Variants in TRPM3 observed in about 807,000 individuals in gnomAD.
The protein encoded by TRPM3 is long transient receptor potential channel 3.
TRPM3 carries 77 observed loss-of-function variants against 181.2 expected under a neutral mutation model. The ratio of observed to expected loss-of-function variants is 0.42; its 90% CI spans 0.35 to 0.51. TRPM3 has a LOEUF of 0.51. TRPM3 is among the 20% of genes least tolerant of loss of function. The pLI is 0.01. For missense variants in TRPM3, 1,759 were observed against 2,196.7 expected (o/e 0.80, Z 3.98); for synonymous variants, 745 against 796.4 (o/e 0.94, Z 1.09).
intron 1 of TRPM3, among the ~76,000 whole-genome samples, chr9:70,971,347 A>C (rs768201177): frequency 5.3e-5 from 8 of 152,044 alleles, no homozygotes; most frequent in Non-Finnish European, 7.4e-5. Flanking sequence ...CCATCAACAT[A>C]AACGTTTTTT....
intron 1 of TRPM3, among the ~76,000 whole-genome samples, chr9:71,068,523 T>G (rs2062243509): frequency 6.6e-6 from 1 of 152,194 alleles, no homozygotes; most frequent in Non-Finnish European, 1.5e-5. Context: ...ACAACTAGTA[T>G]GTGCTTCTAG....
At chr9:70,967,312 A>C (rs1173914085) in intron 1 of TRPM3, among the ~76,000 whole-genome samples, 1 of 152,096 alleles carries the variant, frequency 6.6e-6, no homozygotes, top group Non-Finnish European at 1.5e-5. Flanking sequence ...GGAAGGTTGG[A>C]AAGATTTTGT....
chr9:70,911,899 T>A (rs2096542035), intron 1 of TRPM3, among the ~76,000 whole-genome samples: 1 of 152,208 alleles, frequency 6.6e-6, no homozygotes, highest in Non-Finnish European at 1.5e-5. Flanking sequence ...TAATGCAAAC[T>A]TTCCCCTATG....
At chr9:70,677,499 C>T (rs961518436) in intron 9 of TRPM3, among the ~76,000 whole-genome samples, 3 of 152,212 alleles carry the variant, frequency 2.0e-5, no homozygotes, top group African/African-American at 7.2e-5. Context: ...TAAGTCCCAC[C>T]TTGGGGCTTG....
intron 1 of TRPM3, among the ~76,000 whole-genome samples, chr9:71,213,797 A>G (rs1198279027): frequency 1.3e-5 from 2 of 152,338 alleles, no homozygotes; most frequent in Non-Finnish European, 2.9e-5. Flanking sequence ...CAGTAGGTCT[A>G]TAATTACTTC....
chr9:71,062,917 A>T (rs77174601), intron 1 of TRPM3, among the ~76,000 whole-genome samples: 6,818 of 152,184 alleles, frequency 0.045, 252 homozygotes, highest in African/African-American at 0.098. Context: ...AGAACTATAA[A>T]GAAATACATT....
chr9:70,739,639 T>G (rs1332571702), intron 8 of TRPM3, among the ~76,000 whole-genome samples: 1 of 152,030 alleles, frequency 6.6e-6, no homozygotes, highest in Non-Finnish European at 1.5e-5. Context: ...TTGCCCAGGC[T>G]GGAGTGCAGT....
intron 8 of TRPM3, among the ~76,000 whole-genome samples, chr9:70,739,010 C>T (rs1215285997): frequency 2.0e-5 from 3 of 151,826 alleles, no homozygotes; most frequent in Non-Finnish European, 4.4e-5. Context: ...ACCAAGAAAA[C>T]TTCCAGGACC....
chr9:70,675,508 T>A (rs2063817183), intron 9 of TRPM3, among the ~76,000 whole-genome samples: 1 of 152,208 alleles, frequency 6.6e-6, no homozygotes, highest in Non-Finnish European at 1.5e-5. Flanking sequence ...ATTGATAGCA[T>A]TAATTTTGTC....
chr9:71,113,407 A>G (rs1437282509), intron 1 of TRPM3, among the ~76,000 whole-genome samples: 1 of 152,178 alleles, frequency 6.6e-6, no homozygotes. Context: ...GTTGGGAGAT[A>G]GTATAGAGGA....
chr9:71,283,981 G>A (rs549020831), intron 1 of TRPM3, among the ~76,000 whole-genome samples: 1 of 152,332 alleles, frequency 6.6e-6, no homozygotes, highest in African/African-American at 2.4e-5. Context: ...AATTCTGACA[G>A]TTAGACAATA....
intron 1 of TRPM3, among the ~76,000 whole-genome samples, chr9:70,879,009 C>T (rs916616891): frequency 5.3e-5 from 8 of 152,200 alleles, no homozygotes; most frequent in Non-Finnish European, 1.0e-4. Context: ...ATATGTCATA[C>T]ATTGGTCTAA....
chr9:71,377,454 T>G (rs972050081), intron 1 of TRPM3, among the ~76,000 whole-genome samples: 1 of 152,016 alleles, frequency 6.6e-6, no homozygotes, highest in African/African-American at 2.4e-5. Flanking sequence ...CCTCTGAAAT[T>G]GTTTGCATTC....
At chr9:71,436,063 T>A (rs528935281) in intron 1 of TRPM3, among the ~76,000 whole-genome samples, 1 of 152,238 alleles carries the variant, frequency 6.6e-6, no homozygotes, top group South Asian at 2.1e-4. Context: ...GATAATTGAA[T>A]CATGGGGGTC....
At chr9:71,165,172 G>T (rs1378948550) in intron 1 of TRPM3, among the ~76,000 whole-genome samples, 1 of 152,084 alleles carries the variant, frequency 6.6e-6, no homozygotes, top group East Asian at 1.9e-4. Flanking sequence ...AAACCCGTGG[G>T]CAAGTTACTT....
chr9:70,934,001 A>G (rs901616684), intron 1 of TRPM3, among the ~76,000 whole-genome samples: 4 of 152,042 alleles, frequency 2.6e-5, no homozygotes, highest in African/African-American at 9.7e-5. Flanking sequence ...TAGGGGTTCA[A>G]TTTTCTCTTG....
At chr9:70,833,674 T>C (rs560992506) in intron 5 of TRPM3, among the ~76,000 whole-genome samples, 1 of 152,046 alleles carries the variant, frequency 6.6e-6, no homozygotes. Context: ...GATTGTAAAT[T>C]TGTAGAGGAT....
chr9:70,836,528 C>A (rs937215501), intron 5 of TRPM3, among the ~76,000 whole-genome samples: 1 of 152,186 alleles, frequency 6.6e-6, no homozygotes, highest in Non-Finnish European at 1.5e-5. Flanking sequence ...AATGGATGGG[C>A]ACTTCCAGGT....
At chr9:71,223,180 AG>A (rs1303897694) in intron 1 of TRPM3, among the ~76,000 whole-genome samples, 1 of 152,100 alleles carries the variant, frequency 6.6e-6, no homozygotes, top group Non-Finnish European at 1.5e-5. Flanking sequence ...TCTTGAGGGA[AG>A]GGTAAGAGGA....
Sources: allele counts gnomAD v4.1 joint callset (sites outside exome capture counted in the v4.1 genomes callset), GRCh38; gene constraint gnomAD v4.1.1; transcripts MANE v1.5; gene names NCBI Gene and HGNC (gene_info 2026-07-23, HGNC 2026-07-21).